The following NR6A1 variants were observed in gnomAD, a reference collection of about 807,000 sequenced individuals.
The protein encoded by NR6A1 is retinoic acid receptor-related testis-associated receptor.
Under a neutral mutation model 59.1 loss-of-function variants are expected in NR6A1, and 7 were observed. The ratio of observed to expected loss-of-function variants is 0.12; its 90% CI spans 0.07 to 0.22. The LOEUF (loss-of-function observed/expected upper bound fraction) is 0.22. Among genes scored for constraint, NR6A1 ranks in the 10% least tolerant of loss-of-function variants. NR6A1 has a pLI of 1.00. For synonymous variants in NR6A1, 243 were observed against 236.1 expected, an observed-to-expected ratio of 1.03 and a Z score of -0.27; for missense variants, 468 against 611.6, an observed-to-expected ratio of 0.77 and a Z score of 2.48.
At position 124,572,209 on chromosome 9, in the gene NR6A1, C is replaced by T. The variant is rs140065787; in HGVS notation, c.143-17639G>A. ...TTAGGCAGGTGCCAAAACACTCAAT[C>T]GATATAAATATTTTAATACAAACTT... On this transcript the variant is annotated intron_variant, in intron 2 of 9. Coordinates refer to ENST00000487099, the MANE Select transcript of NR6A1 (RefSeq NM_033334.4). Among the ~76,000 whole-genome samples, 1,033 of 152,104 alleles carry T rather than the reference C, an allele frequency of 6.8e-3. 14 individuals carry two copies. The highest frequency in any genetic ancestry group is 0.032 in the East Asian group (164 of 5,174).
intron 2 of NR6A1, among the ~76,000 whole-genome samples, chr9:124,728,323 C>T (rs1839785153): frequency 6.6e-6 from 1 of 151,852 alleles, no homozygotes; most frequent in Non-Finnish European, 1.5e-5. Context: ...GCCACCGCGC[C>T]CAGCCATGAC....
intron 6 of NR6A1, among the ~76,000 whole-genome samples, chr9:124,536,476 T>C (rs1431376705): frequency 6.6e-6 from 1 of 152,046 alleles, no homozygotes; most frequent in African/African-American, 2.4e-5. Context: ...CTGGCCAACA[T>C]GGTGAAACCC....
intron 2 of NR6A1, among the ~76,000 whole-genome samples, chr9:124,563,476 G>A (rs1249298108): frequency 6.6e-6 from 1 of 152,150 alleles, no homozygotes; most frequent in Non-Finnish European, 1.5e-5. Context: ...AGTTCTCTTA[G>A]TCTAACTATT....
intron 2 of NR6A1, among the ~76,000 whole-genome samples, chr9:124,653,422 G>A (rs1837159373): frequency 1.3e-5 from 2 of 151,974 alleles, no homozygotes; most frequent in African/African-American, 2.4e-5. Context: ...TTGTTTTGTT[G>A]TTGTTTTTTA....
intron 2 of NR6A1, among the ~76,000 whole-genome samples, chr9:124,723,816 G>C (rs898305933): frequency 3.9e-5 from 6 of 152,124 alleles, no homozygotes; most frequent in African/African-American, 1.4e-4. Flanking sequence ...AGAAAAGGAA[G>C]GCAGAGAGTT....
chr9:124,531,256 G>A (rs958091169), intron 7 of NR6A1, among the ~76,000 whole-genome samples: 5 of 152,232 alleles, frequency 3.3e-5, no homozygotes, highest in African/African-American at 1.2e-4. Context: ...CTCCTGAGAG[G>A]AGTCTTGATT....
chr9:124,654,474 T>A (rs1033601394), intron 2 of NR6A1, among the ~76,000 whole-genome samples: 1 of 152,202 alleles, frequency 6.6e-6, no homozygotes, highest in Non-Finnish European at 1.5e-5. Context: ...ATTTTAGCCA[T>A]ACTACCCTTT....
intron 2 of NR6A1, chr9:124,698,707 ATCT>A (rs1448964952): frequency 1.3e-5 from 2 of 152,182 alleles, no homozygotes; most frequent in Non-Finnish European, 2.9e-5. Flanking sequence ...TTAGGAAGTA[ATCT>A]TCTCCTTGAA....
intron 2 of NR6A1, among the ~76,000 whole-genome samples, chr9:124,580,382 A>T (rs1267582441): frequency 6.6e-6 from 1 of 152,206 alleles, no homozygotes; most frequent in Non-Finnish European, 1.5e-5. Flanking sequence ...GTGGGTTAGC[A>T]GTCAGCTGAG....
At chr9:124,703,975 A>C (rs1347023279) in intron 2 of NR6A1, among the ~76,000 whole-genome samples, 2 of 152,112 alleles carry the variant, frequency 1.3e-5, no homozygotes, top group Non-Finnish European at 2.9e-5. Flanking sequence ...GCTTCTTTTA[A>C]GTGTTTGACA....
chr9:124,682,579 C>T (rs1299581257), intron 2 of NR6A1, among the ~76,000 whole-genome samples: 3 of 152,116 alleles, frequency 2.0e-5, no homozygotes, highest in African/African-American at 7.2e-5. Context: ...GCTATTTTTA[C>T]AGCTTTATTT....
intron 1 of NR6A1, among the ~76,000 whole-genome samples, chr9:124,741,291 TA>T (rs569572417): frequency 0.011 from 1,648 of 152,276 alleles, 29 homozygotes; most frequent in African/African-American, 0.038. Context: ...TATACATGCT[TA>T]AAAAAATAAA....
intron 1 of NR6A1, among the ~76,000 whole-genome samples, chr9:124,765,201 A>C (rs1021256069): frequency 6.6e-6 from 1 of 152,204 alleles, no homozygotes; most frequent in African/African-American, 2.4e-5. Flanking sequence ...GCTGATGGAG[A>C]AACCACAAAC....
intron 3 of NR6A1, among the ~76,000 whole-genome samples, chr9:124,552,967 T>C (rs912634545): frequency 6.6e-6 from 1 of 152,196 alleles, no homozygotes; most frequent in African/African-American, 2.4e-5. Flanking sequence ...CCAGTTTGAA[T>C]AGTTCACTAT....
At chr9:124,760,458 C>T (rs1840758227) in intron 1 of NR6A1, among the ~76,000 whole-genome samples, 1 of 152,110 alleles carries the variant, frequency 6.6e-6, no homozygotes, top group Non-Finnish European at 1.5e-5. Context: ...TAGATAAATG[C>T]CCCAGATTCT....
At chr9:124,598,114 G>A (rs1588698208) in intron 2 of NR6A1, among the ~76,000 whole-genome samples, 1 of 152,164 alleles carries the variant, frequency 6.6e-6, no homozygotes, top group African/African-American at 2.4e-5. Flanking sequence ...CTCTCAAAGT[G>A]CTGGGATTAC....
At chr9:124,551,496 A>G (rs557913746) in intron 3 of NR6A1, among the ~76,000 whole-genome samples, 1 of 152,328 alleles carries the variant, frequency 6.6e-6, no homozygotes, top group South Asian at 2.1e-4. Context: ...TGAAGTAGTG[A>G]AAAAATTCCT....
At chr9:124,767,505 C>CAAAAAAATAA (rs1419021874) in intron 1 of NR6A1, among the ~76,000 whole-genome samples, 1 of 76,952 alleles carries the variant, frequency 1.3e-5, no homozygotes. Context: ...ACAGAAGCTA[C>CAAAAAAATAA]AAAAAAAGAA....
chr9:124,692,286 GCACAGTCTATCCCA>G (rs1322066991), intron 2 of NR6A1, among the ~76,000 whole-genome samples: 13 of 152,056 alleles, frequency 8.5e-5, no homozygotes, highest in Non-Finnish European at 1.5e-4. Context: ...ACAAATTACT[GCACAGTCTATCCCA>G]CAGTTCATTA....
Sources: allele counts gnomAD v4.1 joint callset (sites outside exome capture counted in the v4.1 genomes callset), GRCh38; gene constraint gnomAD v4.1.1; transcripts MANE v1.5; gene names NCBI Gene and HGNC (gene_info 2026-07-23, HGNC 2026-07-21).